Variants in TTC7A observed in about 807,000 individuals in gnomAD.
TTC7A encodes the protein tetratricopeptide repeat protein 7A.
Under a neutral mutation model 103.7 loss-of-function variants are expected in TTC7A, and 110 were observed. The ratio of observed to expected loss-of-function variants is 1.06; its 90% CI spans 0.91 to 1.24. The LOEUF is 1.24. Ranked by LOEUF, TTC7A falls within the 50% of genes most tolerant of loss-of-function variation. TTC7A has a pLI of 0.00. For missense variants in TTC7A, 1,340 were observed against 1,116.3 expected (o/e 1.20, Z -2.86); for synonymous variants, 521 against 467.9 (o/e 1.11, Z -1.47).
At chr2:47,063,962 T>G (rs1471846202) in intron 19 of TTC7A, among the ~76,000 whole-genome samples, 7 of 152,242 alleles carry the variant, frequency 4.6e-5, no homozygotes, top group Non-Finnish European at 7.3e-5. Context: ...TCTTAGGGGC[T>G]GGGGACCCCA....
chr2:46,939,655 T>A (rs1670166634), upstream of TTC7A, among the ~76,000 whole-genome samples: 1 of 152,164 alleles, frequency 6.6e-6, no homozygotes, highest in South Asian at 2.1e-4. Context: ...CGCCTCCCTC[T>A]TATCAACCCT....
intron 12 of TTC7A, 59 bp from the exon 13 acceptor site, chr2:47,023,349 G>A: frequency 1.9e-6 from 3 of 1,570,360 alleles, no homozygotes. Flanking sequence ...ATGGTGCAGG[G>A]CTGGGCCGGC....
At position 47,010,591 on chromosome 2, in the gene TTC7A, G is replaced by T. The variant is rs1403862535; in HGVS notation, c.1288-740G>T. Among the ~76,000 whole-genome samples, 7 of 152,044 alleles carry T rather than the reference G, an allele frequency of 4.6e-5. No homozygotes were observed. The South Asian group carries it at 6.2e-4, about 14-fold the overall frequency. On this transcript the variant is annotated intron_variant, in intron 10 of 19. Coordinates refer to ENST00000319190, the MANE Select transcript of TTC7A (RefSeq NM_020458.4). Reference sequence around the variant, plus strand: ...GGGATCCTCAGATTACTGTCTGGAGGTTCTCTCCGGCTCTGCCAGTTTAGA... The same window carrying T: ...GGGATCCTCAGATTACTGTCTGGAGTTTCTCTCCGGCTCTGCCAGTTTAGA...
upstream of TTC7A, among the ~76,000 whole-genome samples, chr2:46,938,223 C>G (rs1572662114): frequency 1.3e-5 from 2 of 152,096 alleles, no homozygotes; most frequent in Admixed American, 1.3e-4. Context: ...GTTCAATTTC[C>G]CACTCAGCCT....
chr2:46,949,847 G>A (rs1158443706), intron 1 of TTC7A, among the ~76,000 whole-genome samples: 4 of 152,180 alleles, frequency 2.6e-5, no homozygotes, highest in Admixed American at 2.0e-4. Context: ...GTGCACTCCA[G>A]CTAGGGTGGC....
At chr2:47,043,203 G>A (rs1681952430) in intron 15 of TTC7A, among the ~76,000 whole-genome samples, 1 of 152,228 alleles carries the variant, frequency 6.6e-6, no homozygotes, top group Non-Finnish European at 1.5e-5. Context: ...CTCCTTCTGA[G>A]GGAGTGGAGT....
At chr2:46,986,640 G>A (rs905619538) in intron 5 of TTC7A, among the ~76,000 whole-genome samples, 7 of 152,188 alleles carry the variant, frequency 4.6e-5, no homozygotes, top group African/African-American at 1.7e-4. Flanking sequence ...GAGTCCCAGG[G>A]AGAGGGAGGG....
chr2:46,917,111 C>T (rs995409175), intron 1 of TTC7A: 16 of 692,038 alleles, frequency 2.3e-5, no homozygotes, highest in Non-Finnish European at 3.7e-5. Context: ...CCACCTTCAT[C>T]TGAGATTGAA....
intron 1 of TTC7A, among the ~76,000 whole-genome samples, chr2:46,948,658 C>G (rs1057508424): frequency 6.6e-6 from 1 of 152,090 alleles, no homozygotes; most frequent in Non-Finnish European, 1.5e-5. Flanking sequence ...CGAGGTCTCC[C>G]TATGTTGCCC....
chr2:46,953,439 G>C (rs1671575210), intron 2 of TTC7A, among the ~76,000 whole-genome samples: 1 of 152,210 alleles, frequency 6.6e-6, no homozygotes, highest in Non-Finnish European at 1.5e-5. Flanking sequence ...ACAGGCGTGA[G>C]CCACCATGCC....
chr2:47,046,672 A>C, intron 16 of TTC7A: 1 of 511,650 alleles, frequency 2.0e-6, no homozygotes, highest in Non-Finnish European at 3.5e-6. Context: ...GTAAGAAGGA[A>C]GAGAAATCAT....
chr2:46,951,758 T>C (rs1024028880), intron 2 of TTC7A: 1 of 429,732 alleles, frequency 2.3e-6, no homozygotes, highest in Non-Finnish European at 4.7e-6. Context: ...TCCTTAAACC[T>C]TTTATTCCAA....
chr2:46,917,088 C>T (rs994096754), intron 1 of TTC7A: 1 of 683,720 alleles, frequency 1.5e-6, no homozygotes, highest in Admixed American at 2.2e-5. Context: ...CATTGACGGT[C>T]TCATTCCTTT....
intron 2 of TTC7A, among the ~76,000 whole-genome samples, chr2:46,955,662 C>T (rs35872096): frequency 0.26 from 39,034 of 152,106 alleles, 6,206 homozygotes; most frequent in Admixed American, 0.36. Context: ...ATTTGGCTTC[C>T]CCAGAGCCTG....
chr2:46,981,346 C>G (rs1674439407), intron 5 of TTC7A, among the ~76,000 whole-genome samples: 1 of 152,038 alleles, frequency 6.6e-6, no homozygotes, highest in Non-Finnish European at 1.5e-5. Context: ...TATCTCCCTT[C>G]CCCACAAAGT....
chr2:47,022,196 G>T (rs1049092788), intron 12 of TTC7A, among the ~76,000 whole-genome samples: 1 of 151,962 alleles, frequency 6.6e-6, no homozygotes, highest in Admixed American at 6.5e-5. Flanking sequence ...CCAGACTGTC[G>T]CCACCCTCAA....
chr2:47,051,339 T>C (rs1164871050), intron 17 of TTC7A, among the ~76,000 whole-genome samples: 1 of 152,260 alleles, frequency 6.6e-6, no homozygotes, highest in Non-Finnish European at 1.5e-5. Context: ...AACATCTTTC[T>C]ACATTGATAT....
chr2:46,955,158 G>T (rs922993147), intron 2 of TTC7A, among the ~76,000 whole-genome samples: 3 of 151,120 alleles, frequency 2.0e-5, no homozygotes, highest in African/African-American at 7.4e-5. Context: ...CTTCAGCATC[G>T]CTGTGATAGG....
intron 1 of TTC7A, chr2:46,917,065 C>T (rs1668840236): frequency 7.7e-6 from 5 of 649,946 alleles, no homozygotes; most frequent in Admixed American, 5.0e-5. Context: ...TGAAAGTTGC[C>T]TAACGCCACT....
Sources: gnomAD v4.1 joint callset for allele counts (sites outside exome capture counted in the v4.1 genomes callset) on GRCh38, gnomAD v4.1.1 for gene constraint, MANE v1.5 for transcripts, NCBI Gene and HGNC (gene_info 2026-07-23, HGNC 2026-07-21) for gene names.